PDZD2: variants seen among roughly 807,000 people sequenced by gnomAD.
PDZD2 encodes the protein PDZ domain-containing protein 2.
Under a neutral mutation model 220.7 loss-of-function variants are expected in PDZD2, and 90 were observed. The ratio of observed to expected loss-of-function variants is 0.41; its 90% CI spans 0.34 to 0.49. The LOEUF is 0.49. Ranked by LOEUF, PDZD2 falls within the 20% of genes least tolerant of loss-of-function variation. The pLI is 0.28. For synonymous variants in PDZD2, 1,375 were observed against 1,450.5 expected (o/e 0.95, Z 1.18); for missense variants, 3,174 against 3,608.5 (o/e 0.88, Z 3.08).
chr5:31,982,468 G>A (rs13179903), intron 2 of PDZD2, among the ~76,000 whole-genome samples: 21,085 of 151,934 alleles, frequency 0.14, 1,956 homozygotes, highest in East Asian at 0.48. Context: ...CCACCACACC[G>A]GACTAATTTT....
At chr5:31,679,234 G>A (rs1183922995) in intron 1 of PDZD2, among the ~76,000 whole-genome samples, 2 of 152,226 alleles carry the variant, frequency 1.3e-5, no homozygotes, top group East Asian at 3.9e-4. Context: ...GATCCATGCT[G>A]GATTGGCACA....
chr5:31,973,502 A>G (rs1220081775), intron 2 of PDZD2, among the ~76,000 whole-genome samples: 3 of 152,232 alleles, frequency 2.0e-5, no homozygotes, highest in Non-Finnish European at 4.4e-5. Context: ...CCTCTGCTTC[A>G]GCACAGAGGG....
rs774802488 is a variant in PDZD2, at chr5:32,088,163, C to G, written c.4715C>G (p.Ser1572Cys). ...PESLTEAPRA[S>C]ARDGWSPPRS... is the part of the protein sequence containing the mutation. ...TCACTCACTGAAGCCCCACGAGCTT[C>G]TGCCAGGGACGGCTGGTCCCCTCCT... The change falls in exon 20 of 25, where the codon TCT becomes TGT. Residue 1572 changes from serine (S) to cysteine (C), a missense_variant. Physicochemically the swap from Ser to Cys is moderately radical, Grantham distance 112. This residue lies in a region of PDZD2 where 1,861 missense variants were observed against 2,001.0 expected (regional missense o/e 0.93). Coordinates refer to ENST00000438447, the MANE Select transcript of PDZD2 (RefSeq NM_178140.4). This position sits in a 1 kb window ranked among gnomAD's most constrained non-coding sequence, Gnocchi z 4.6. The G allele has an allele frequency of 3.7e-6, 6 of 1,614,216 alleles. No individual in the cohort carries two copies. The South Asian group carries it at 5.5e-5, about 15-fold the overall frequency.
intron 2 of PDZD2, among the ~76,000 whole-genome samples, chr5:31,939,145 GAT>G (rs1007477930): frequency 4.4e-4 from 67 of 152,308 alleles, no homozygotes; most frequent in African/African-American, 1.5e-3. Context: ...TGGAAAACAA[GAT>G]GGCGCCTGTA....
At chr5:31,732,158 G>C (rs923791270) in intron 1 of PDZD2, among the ~76,000 whole-genome samples, 37 of 152,206 alleles carry the variant, frequency 2.4e-4, no homozygotes, top group African/African-American at 8.7e-4. Context: ...CCTGTCTATA[G>C]CTAGCCTGAC....
At chr5:31,674,358 G>C (rs2150119802) in intron 1 of PDZD2, among the ~76,000 whole-genome samples, 1 of 152,264 alleles carries the variant, frequency 6.6e-6, no homozygotes, top group Non-Finnish European at 1.5e-5. Context: ...CTACACTTAT[G>C]GCCTTTCTCC....
chr5:32,039,404 A>G (rs1236505674), intron 7 of PDZD2, among the ~76,000 whole-genome samples: 4 of 150,438 alleles, frequency 2.7e-5, no homozygotes, highest in East Asian at 2.1e-4. Flanking sequence ...CGCTCACTCA[A>G]TGCTCAATGT....
At chr5:31,869,419 C>T (rs542162289) in intron 2 of PDZD2, among the ~76,000 whole-genome samples, 201 of 152,190 alleles carry the variant, frequency 1.3e-3, no homozygotes, top group Non-Finnish European at 1.5e-3. Flanking sequence ...AAAAATTAGC[C>T]GGGCGTGGTG....
chr5:31,838,074 T>C (rs2150279614), intron 2 of PDZD2, among the ~76,000 whole-genome samples: 1 of 152,286 alleles, frequency 6.6e-6, no homozygotes, highest in African/African-American at 2.4e-5. Context: ...ATATCCTGTG[T>C]TTATACTTTA....
intron 5 of PDZD2, among the ~76,000 whole-genome samples, chr5:32,002,665 CA>C (rs1752254297): frequency 7.5e-6 from 1 of 133,220 alleles, no homozygotes; most frequent in African/African-American, 2.8e-5. Flanking sequence ...ACTACACACA[CA>C]CACCACACAC....
intron 2 of PDZD2, among the ~76,000 whole-genome samples, chr5:31,920,158 C>T (rs986249728): frequency 2.0e-5 from 3 of 151,768 alleles, no homozygotes; most frequent in Non-Finnish European, 4.4e-5. Context: ...GTGGCACGCA[C>T]CTATAATCCC....
chr5:32,009,069 G>C (rs1753079908), intron 5 of PDZD2, among the ~76,000 whole-genome samples: 1 of 152,134 alleles, frequency 6.6e-6, no homozygotes, highest in Non-Finnish European at 1.5e-5. Flanking sequence ...ATCTAGCCGG[G>C]CTCGGTGGCT....
chr5:31,705,685 AT>A (rs1747790902), intron 1 of PDZD2, among the ~76,000 whole-genome samples: 1 of 152,238 alleles, frequency 6.6e-6, no homozygotes, highest in Non-Finnish European at 1.5e-5. Flanking sequence ...GACAATAAAT[AT>A]TTTAGAAATG....
intron 2 of PDZD2, among the ~76,000 whole-genome samples, chr5:31,831,791 G>A (rs973515669): frequency 6.7e-6 from 1 of 150,324 alleles, no homozygotes; most frequent in African/African-American, 2.4e-5. Flanking sequence ...GCGCTCACCT[G>A]TAGTCCCAGC....
chr5:32,069,441 G>A (rs1449206964), intron 14 of PDZD2, 128 bp from the exon 15 acceptor site: 3 of 637,890 alleles, frequency 4.7e-6, no homozygotes, highest in African/African-American at 1.8e-5. Context: ...TTCGGAGGAT[G>A]GTCATAATCC....
chr5:31,824,373 A>G (rs918380544), intron 2 of PDZD2, among the ~76,000 whole-genome samples: 3 of 131,002 alleles, frequency 2.3e-5, no homozygotes, highest in African/African-American at 8.9e-5. Flanking sequence ...CATGCAATTT[A>G]GTACTTGATC....
intron 2 of PDZD2, among the ~76,000 whole-genome samples, chr5:31,883,451 C>T (rs558343450): frequency 6.6e-6 from 1 of 151,818 alleles, no homozygotes; most frequent in Non-Finnish European, 1.5e-5. Context: ...AAACTCCTGA[C>T]CTCAGGTAAT....
chr5:31,786,136 G>A (rs13359806), intron 1 of PDZD2, among the ~76,000 whole-genome samples: 3,507 of 152,232 alleles, frequency 0.023, 114 homozygotes, highest in African/African-American at 0.076. Flanking sequence ...TGGGAAATGG[G>A]GGAGCTTCTC....
intron 2 of PDZD2, among the ~76,000 whole-genome samples, chr5:31,860,828 G>A (rs1383428709): frequency 6.6e-6 from 1 of 152,150 alleles, no homozygotes; most frequent in East Asian, 1.9e-4. Flanking sequence ...GGTTCTGTCT[G>A]TGTGGATAAC....
Sources: allele counts gnomAD v4.1 joint callset (sites outside exome capture counted in the v4.1 genomes callset), GRCh38; gene constraint gnomAD v4.1.1; regional missense constraint gnomAD v4.1.1; non-coding constraint Gnocchi (gnomAD v3.1); transcripts MANE v1.5; gene names NCBI Gene and HGNC (gene_info 2026-07-23, HGNC 2026-07-21).